The following SND1 variants were observed in gnomAD, a reference collection of about 807,000 sequenced individuals.
SND1 encodes staphylococcal nuclease and tudor domain containing 1.
A neutral mutation model predicts 121.7 loss-of-function variants in SND1; 38 were observed. The observed-to-expected ratio is 0.31, with a 90% CI of 0.24 to 0.41. The LOEUF (loss-of-function observed/expected upper bound fraction) is 0.41. SND1 is among the 10% of genes least tolerant of loss of function. The pLI, the probability that SND1 is intolerant of heterozygous loss-of-function variation, is 1.00. For missense variants in SND1, 868 were observed against 1,184.6 expected, an observed-to-expected ratio of 0.73 and a Z score of 3.92; for synonymous variants, 401 against 447.4, an observed-to-expected ratio of 0.90 and a Z score of 1.31.
intron 16 of SND1, among the ~76,000 whole-genome samples, chr7:128,048,609 G>A (rs1764558647): frequency 1.3e-5 from 2 of 152,176 alleles, no homozygotes; most frequent in South Asian, 2.1e-4. Flanking sequence ...ACGGGAGAGA[G>A]GGAAGGTGTT....
intron 21 of SND1, among the ~76,000 whole-genome samples, chr7:128,087,325 ATCAGGCAGTGGCAG>A (rs1265700255): frequency 6.6e-5 from 10 of 152,042 alleles, no homozygotes; most frequent in African/African-American, 2.4e-4. Flanking sequence ...GCAGGAGGTG[ATCAGGCAGTGGCAG>A]GAGGTGAGGT....
intron 15 of SND1, among the ~76,000 whole-genome samples, chr7:127,969,981 G>A (rs1215675695): frequency 6.6e-6 from 1 of 152,108 alleles, no homozygotes; most frequent in African/African-American, 2.4e-5. Flanking sequence ...TTTAAAAAGT[G>A]CTTGATCCAG....
chr7:127,676,076 C>T (rs1379992991), intron 1 of SND1, among the ~76,000 whole-genome samples: 2 of 152,086 alleles, frequency 1.3e-5, no homozygotes, highest in African/African-American at 4.8e-5. Context: ...TGTAAGTCAT[C>T]GATATTTTGG....
intron 16 of SND1, chr7:128,031,490 C>T (rs1204984803): frequency 6.6e-6 from 1 of 151,462 alleles, no homozygotes; most frequent in Non-Finnish European, 1.5e-5. Flanking sequence ...GCGCCTTCGC[C>T]CTCCCCAGAC....
At chr7:127,657,866 T>C (rs779952431) in intron 1 of SND1, among the ~76,000 whole-genome samples, 14 of 152,172 alleles carry the variant, frequency 9.2e-5, no homozygotes, top group Non-Finnish European at 1.5e-4. Context: ...CCCATGTAAA[T>C]AGTTTGGGTT....
chr7:128,030,805 C>G (rs889247831), intron 16 of SND1: 102 of 891,900 alleles, frequency 1.1e-4, no homozygotes, highest in Non-Finnish European at 1.7e-4. Context: ...AAAAATCCTG[C>G]CAAACTCGAG....
At chr7:127,792,936 A>C (rs1797940279) in intron 10 of SND1, among the ~76,000 whole-genome samples, 1 of 152,220 alleles carries the variant, frequency 6.6e-6, no homozygotes, top group Non-Finnish European at 1.5e-5. Flanking sequence ...GGCACCCCCT[A>C]TTGGCAGAGC....
At position 127,982,539 on chromosome 7, in the gene SND1, G is replaced by A. The variant is rs549310514; in HGVS notation, c.1670-8408G>A. Among the ~76,000 whole-genome samples the A allele has an allele frequency of 3.3e-4, 51 of 152,288 alleles. No homozygotes were observed. In the South Asian group the frequency reaches 8.9e-3, roughly 27 times the overall value. The stretch of plus-strand genomic sequence containing the variant: ...GTCCACAAGATCCTACCTCCCCTGA[G>A]GTAACAAAGTAGGAGTTTAGAGAAC... On this transcript the variant is annotated intron_variant, in intron 15 of 23. Coordinates refer to ENST00000354725, the MANE Select transcript of SND1 (RefSeq NM_014390.4).
At chr7:127,677,069 G>A (rs920972846) in intron 1 of SND1, among the ~76,000 whole-genome samples, 1 of 152,180 alleles carries the variant, frequency 6.6e-6, no homozygotes, top group Non-Finnish European at 1.5e-5. Flanking sequence ...ATCCCTAGAG[G>A]AATGTCCATC....
At position 127,950,853 on chromosome 7, in the gene SND1, G is replaced by C. The variant is rs186548073; in HGVS notation, c.1669+21524G>C. Among the ~76,000 whole-genome samples the C allele has an allele frequency of 1.1e-4, 16 of 152,250 alleles. No individual in the cohort carries two copies. In the East Asian group the frequency reaches 3.1e-3, roughly 29 times the overall value. ...GCTACTATCAAAAAACTAAAAGATAGCAAGTATGAGCAAGAACCAATTTAT... is the reference window on the plus strand; with the variant it reads ...GCTACTATCAAAAAACTAAAAGATACCAAGTATGAGCAAGAACCAATTTAT... On this transcript the variant is annotated intron_variant, in intron 15 of 23. Coordinates refer to ENST00000354725, the MANE Select transcript of SND1 (RefSeq NM_014390.4).
At chr7:127,918,448 A>G (rs1394992992) in intron 14 of SND1, among the ~76,000 whole-genome samples, 1 of 152,154 alleles carries the variant, frequency 6.6e-6, no homozygotes, top group African/African-American at 2.4e-5. Flanking sequence ...TTTTAAATGC[A>G]TCAAATATAA....
intron 10 of SND1, among the ~76,000 whole-genome samples, chr7:127,793,204 C>T (rs1797945856): frequency 6.6e-6 from 1 of 152,142 alleles, no homozygotes; most frequent in African/African-American, 2.4e-5. Flanking sequence ...GGGTAATCTG[C>T]CAGTTCTTGC....
intron 2 of SND1, chr7:127,692,710 A>T (rs1317832422): frequency 1.7e-5 from 2 of 120,268 alleles, no homozygotes; most frequent in Non-Finnish European, 3.5e-5. Flanking sequence ...TGGACGGAAC[A>T]CACTTGAGAA....
At chr7:127,861,980 T>C (rs902353943) in intron 12 of SND1, among the ~76,000 whole-genome samples, 1 of 152,220 alleles carries the variant, frequency 6.6e-6, no homozygotes, top group African/African-American at 2.4e-5. Flanking sequence ...ATTGATAGAC[T>C]ATGTCTAGCA....
chr7:128,025,871 C>A (rs913327902), intron 16 of SND1, among the ~76,000 whole-genome samples: 10 of 152,134 alleles, frequency 6.6e-5, no homozygotes, highest in Non-Finnish European at 1.5e-5. Context: ...ATATAGTCTT[C>A]CTTGGGACAA....
rs1800387981 is a variant in SND1, at chr7:127,908,351, TGTGTGTGTGC to T, written c.1527+3536_1527+3545del. ...GTGTGTGTGTGTGTGTGTGTGTGTG[TGTGTGTGTGC>T]GTGCGTGTTGACCCATCTGCGTCTC... On this transcript the variant is annotated intron_variant, in intron 14 of 23. Coordinates refer to ENST00000354725, the MANE Select transcript of SND1 (RefSeq NM_014390.4). Among the ~76,000 whole-genome samples the T allele has an allele frequency of 3.0e-5, 4 of 133,474 alleles. No individual in the cohort carries two copies. In the South Asian group the frequency reaches 1.0e-3, roughly 35 times the overall value. 87.6% of individuals were successfully genotyped at this position (133,474 alleles called of 152,430 possible). A position where few individuals can be genotyped will look rare whatever the true frequency, so the allele number is the denominator to read the frequency against.
intron 12 of SND1, among the ~76,000 whole-genome samples, chr7:127,856,206 A>G (rs1003009166): frequency 3.3e-5 from 5 of 152,196 alleles, no homozygotes; most frequent in South Asian, 2.1e-4. Flanking sequence ...TAGGCACACA[A>G]TTTATTCTTT....
intron 18 of SND1, among the ~76,000 whole-genome samples, chr7:128,082,731 G>A (rs920764809): frequency 5.9e-5 from 9 of 152,088 alleles, no homozygotes; most frequent in African/African-American, 1.9e-4. Flanking sequence ...AACAAGAGCC[G>A]TTCCTGGGCA....
intron 1 of SND1, among the ~76,000 whole-genome samples, chr7:127,656,490 C>A (rs1795212169): frequency 6.6e-6 from 1 of 151,818 alleles, no homozygotes; most frequent in Non-Finnish European, 1.5e-5. Flanking sequence ...GCCCAGCTAA[C>A]TTTTGTGCTT....
Sources: gnomAD v4.1 joint callset for allele counts (sites outside exome capture counted in the v4.1 genomes callset) on GRCh38, gnomAD v4.1.1 for gene constraint, MANE v1.5 for transcripts, NCBI Gene and HGNC (gene_info 2026-07-23, HGNC 2026-07-21) for gene names.